Variants in MAPK10 observed in about 807,000 individuals in gnomAD.
MAPK10 encodes the protein mitogen-activated protein kinase 10.
In MAPK10, 25 loss-of-function variants were observed where a neutral mutation model predicts 59.3. That is an observed-to-expected ratio of 0.42 (90% CI 0.31 to 0.59). The LOEUF (loss-of-function observed/expected upper bound fraction) is 0.59, where lower values mean the gene tolerates loss of function less well. Ranked by LOEUF, MAPK10 falls within the 20% of genes least tolerant of loss-of-function variation. The pLI is 0.15. For synonymous variants in MAPK10, 190 were observed against 200.5 expected (o/e 0.95, Z 0.44); for missense variants, 351 against 568.9 (o/e 0.62, Z 3.90).
intron 1 of MAPK10, among the ~76,000 whole-genome samples, chr4:86,567,902 G>C (rs1265421060): frequency 2.0e-5 from 3 of 152,062 alleles, no homozygotes; most frequent in Non-Finnish European, 4.4e-5. Flanking sequence ...GTAACAGAAA[G>C]TAAACCTTCG....
At chr4:86,229,715 A>T (rs1016611449) in intron 2 of MAPK10, among the ~76,000 whole-genome samples, 1 of 130,716 alleles carries the variant, frequency 7.7e-6, no homozygotes, top group Non-Finnish European at 1.5e-5. Context: ...ATTTTATTTT[A>T]TGAAAAAAAA....
chr4:86,408,538 T>C (rs1047277073), intron 1 of MAPK10, among the ~76,000 whole-genome samples: 2 of 152,200 alleles, frequency 1.3e-5, no homozygotes, highest in Non-Finnish European at 2.9e-5. Flanking sequence ...GTGTTCTTAT[T>C]TCTCCACATC....
At chr4:86,187,603 T>G (rs1160739468) in intron 3 of MAPK10, among the ~76,000 whole-genome samples, 1 of 152,148 alleles carries the variant, frequency 6.6e-6, no homozygotes, top group African/African-American at 2.4e-5. Context: ...TTTTTATGGT[T>G]AAAGACCCAT....
chr4:86,196,725 C>G (rs570596202), intron 2 of MAPK10, among the ~76,000 whole-genome samples: 1 of 152,146 alleles, frequency 6.6e-6, no homozygotes, highest in South Asian at 2.1e-4. Flanking sequence ...CCATCTCGAG[C>G]TAATTTTTGT....
rs371771983 is a variant in MAPK10 at position 86,159,256 on chromosome 4, G to A, written c.236+42C>T. 1.3e-5 allele frequency: 20 copies of A among 1,499,122 alleles called. No individual in the cohort carries two copies. In the Admixed American group the frequency reaches 1.5e-4, roughly 11 times the overall value. 92.9% of individuals were successfully genotyped at this position (1,499,122 alleles called of 1,614,324 possible). On this transcript the variant is annotated intron_variant, in intron 4 of 13. Coordinates refer to ENST00000641462, the MANE Select transcript of MAPK10 (RefSeq NM_138982.4). Reference sequence around the variant, plus strand: ...GTGTTTGTGTCTAGTAGTTGCACACGGTGTGTTCCCTTTAAAAATACAGCA... The same window carrying A: ...GTGTTTGTGTCTAGTAGTTGCACACAGTGTGTTCCCTTTAAAAATACAGCA...
chr4:86,031,247 G>T, intron 12 of MAPK10, 121 bp downstream of exon 12: 1 of 703,466 alleles, frequency 1.4e-6, no homozygotes, highest in Non-Finnish European at 2.5e-6. Flanking sequence ...TTTAAAAATG[G>T]TCTAAGAGAA....
intron 1 of MAPK10, among the ~76,000 whole-genome samples, chr4:86,434,071 A>C (rs1392542421): frequency 6.6e-6 from 1 of 152,222 alleles, no homozygotes; most frequent in Non-Finnish European, 1.5e-5. Flanking sequence ...AGTTGTAGTC[A>C]ATAAACTTTA....
intron 1 of MAPK10, among the ~76,000 whole-genome samples, chr4:86,534,197 A>G (rs1337897901): frequency 6.6e-6 from 1 of 152,178 alleles, no homozygotes. Flanking sequence ...TGCATGCCAC[A>G]TTTTTTGAAA....
intron 4 of MAPK10, among the ~76,000 whole-genome samples, chr4:86,131,763 C>T (rs554899152): frequency 1.4e-4 from 22 of 152,076 alleles, no homozygotes; most frequent in South Asian, 8.3e-4. Flanking sequence ...ATGTTATTTA[C>T]GAGACGATGC....
At chr4:86,478,175 T>C (rs780716890) in intron 1 of MAPK10, among the ~76,000 whole-genome samples, 3 of 152,146 alleles carry the variant, frequency 2.0e-5, no homozygotes, top group Non-Finnish European at 4.4e-5. Context: ...AACAAAACCA[T>C]TATATAAACT....
chr4:86,236,982 T>C (rs1391808334), intron 2 of MAPK10, among the ~76,000 whole-genome samples: 1 of 151,726 alleles, frequency 6.6e-6, no homozygotes. Flanking sequence ...CTAAGTTGCC[T>C]CCCCTAGACC....
intron 1 of MAPK10, among the ~76,000 whole-genome samples, chr4:86,472,772 G>A (rs1405106770): frequency 6.6e-6 from 1 of 152,140 alleles, no homozygotes; most frequent in Non-Finnish European, 1.5e-5. Flanking sequence ...GGGAACATAA[G>A]GTCAATTCAC....
intron 1 of MAPK10, among the ~76,000 whole-genome samples, chr4:86,548,593 G>A (rs758891677): frequency 6.6e-6 from 1 of 152,190 alleles, no homozygotes; most frequent in Non-Finnish European, 1.5e-5. Flanking sequence ...CTAGTGATAG[G>A]TTCCCCTTTG....
chr4:86,157,214 A>C (rs547024679), intron 4 of MAPK10, among the ~76,000 whole-genome samples: 1 of 152,030 alleles, frequency 6.6e-6, no homozygotes, highest in South Asian at 2.1e-4. Flanking sequence ...TAACCAGAAC[A>C]GTAGAAATGA....
intron 4 of MAPK10, among the ~76,000 whole-genome samples, chr4:86,118,579 TACACACACACACACAC>T (rs148000432): frequency 1.4e-5 from 2 of 146,246 alleles, no homozygotes; most frequent in African/African-American, 2.6e-5. Context: ...TAAATACACA[TACACACACACACACAC>T]ACACACACAC....
chr4:86,199,874 T>C (rs2082230119), intron 2 of MAPK10, among the ~76,000 whole-genome samples: 2 of 151,990 alleles, frequency 1.3e-5, no homozygotes. Flanking sequence ...TAGCCACTAA[T>C]AGGAAATACT....
chr4:86,205,752 C>A (rs149219429), intron 2 of MAPK10, among the ~76,000 whole-genome samples: 1 of 151,766 alleles, frequency 6.6e-6, no homozygotes, highest in African/African-American at 2.4e-5. Context: ...AATTTGATAT[C>A]ATTTCAAATC....
chr4:86,287,728 A>C (rs767597246), intron 2 of MAPK10, among the ~76,000 whole-genome samples: 18 of 152,208 alleles, frequency 1.2e-4, no homozygotes, highest in Non-Finnish European at 2.4e-4. Flanking sequence ...TCACTACCAG[A>C]AATAATTCAA....
At chr4:86,325,045 A>T (rs1392529277) in intron 2 of MAPK10, among the ~76,000 whole-genome samples, 4 of 152,222 alleles carry the variant, frequency 2.6e-5, no homozygotes, top group Non-Finnish European at 4.4e-5. Context: ...TAGAGATTTC[A>T]ATTTAGTTTC....
Sources: allele counts gnomAD v4.1 joint callset (sites outside exome capture counted in the v4.1 genomes callset), GRCh38; gene constraint gnomAD v4.1.1; transcripts MANE v1.5; gene names NCBI Gene and HGNC (gene_info 2026-07-23, HGNC 2026-07-21).